Variants in USP40 observed in about 807,000 individuals in gnomAD.
USP40 encodes ubiquitin carboxyl-terminal hydrolase 40.
USP40 carries 143 observed loss-of-function variants against 166.2 expected under a neutral mutation model. The observed-to-expected ratio is 0.86, with a 90% CI of 0.75 to 0.99. USP40 has a LOEUF of 0.99. USP40 is among the 50% of genes least tolerant of loss of function. USP40 has a pLI of 0.00. For synonymous variants in USP40, 498 were observed against 524.0 expected (o/e 0.95, Z 0.68); for missense variants, 1,444 against 1,479.7 (o/e 0.98, Z 0.40).
intron 24 of USP40, among the ~76,000 whole-genome samples, chr2:233,495,897 C>T (rs1486823225): frequency 6.6e-6 from 1 of 152,118 alleles, no homozygotes; most frequent in Non-Finnish European, 1.5e-5. Flanking sequence ...TGTGTATGTG[C>T]TGATATGAGG....
intron 21 of USP40, among the ~76,000 whole-genome samples, chr2:233,509,023 T>C (rs1390276933): frequency 6.6e-6 from 1 of 152,200 alleles, no homozygotes; most frequent in Non-Finnish European, 1.5e-5. Flanking sequence ...GCTCATCTTA[T>C]TTCCTGACCT....
intron 21 of USP40, among the ~76,000 whole-genome samples, chr2:233,508,623 G>A (rs954389005): frequency 6.6e-6 from 1 of 152,008 alleles, no homozygotes; most frequent in Non-Finnish European, 1.5e-5. Flanking sequence ...CCTTGCCTAG[G>A]TTCATTAATT....
At chr2:233,539,203 T>C (rs1054481318) in intron 10 of USP40, among the ~76,000 whole-genome samples, 13 of 85,950 alleles carry the variant, frequency 1.5e-4, no homozygotes, top group African/African-American at 3.9e-4. Flanking sequence ...CAGTAATTAA[T>C]AGAAAAGGCA....
chr2:233,517,104 T>C (rs925029817), intron 18 of USP40, among the ~76,000 whole-genome samples: 1 of 152,164 alleles, frequency 6.6e-6, no homozygotes, highest in Non-Finnish European at 1.5e-5. Flanking sequence ...GGCAATGAAT[T>C]TCTGTATATG....
chr2:233,479,298 C>T (rs1355033930), intron 31 of USP40, among the ~76,000 whole-genome samples: 3 of 152,220 alleles, frequency 2.0e-5, no homozygotes, highest in Admixed American at 6.5e-5. Flanking sequence ...GGCGCGGTGG[C>T]TCACGCCTGT....
intron 21 of USP40, among the ~76,000 whole-genome samples, chr2:233,501,631 T>C (rs2066075808): frequency 6.6e-6 from 1 of 152,214 alleles, no homozygotes; most frequent in African/African-American, 2.4e-5. Flanking sequence ...ATTTTGATGG[T>C]AGAACCAAAA....
Position 233,510,179 on chromosome 2 carries a change from A to T in USP40, c.2527-44T>A, listed in dbSNP as rs1444806335. On this transcript the variant is annotated intron_variant, in intron 20 of 31. Coordinates refer to ENST00000678225, the MANE Select transcript of USP40 (RefSeq NM_001365479.2). ...TGTAAATGCAATTTAATCTGAATTTAAAAATCCAATAAATGTATTATTTAC... is the reference window on the plus strand; with the variant it reads ...TGTAAATGCAATTTAATCTGAATTTTAAAATCCAATAAATGTATTATTTAC... The T allele has an allele frequency of 3.5e-6, 5 of 1,425,296 alleles. 1 individual carries two copies. In the African/African-American group the frequency reaches 4.3e-5, roughly 12 times the overall value. 88.3% of individuals were successfully genotyped at this position (1,425,296 alleles called of 1,614,324 possible). A position where few individuals can be genotyped will look rare whatever the true frequency, so the allele number is the denominator to read the frequency against.
At chr2:233,502,664 G>C (rs1237255092) in intron 21 of USP40, among the ~76,000 whole-genome samples, 1 of 151,964 alleles carries the variant, frequency 6.6e-6, no homozygotes, top group Non-Finnish European at 1.5e-5. Context: ...GTTGTGCTTG[G>C]TAGCAGCACA....
chr2:233,528,697 G>A (rs1050121922), intron 12 of USP40, among the ~76,000 whole-genome samples: 10 of 151,782 alleles, frequency 6.6e-5, no homozygotes, highest in African/African-American at 1.5e-4. Flanking sequence ...TTCTTTGCTC[G>A]TGTCATTCAC....
In USP40 at chr2:233,488,449, G is replaced by T. The variant is rs116611641; in HGVS notation, c.3132-145C>A. The T allele has an allele frequency of 6.0e-3, 4,125 of 682,602 alleles. 132 individuals are homozygous for T. In the African/African-American group the frequency reaches 0.067, roughly 11 times the overall value. The allele number at this position is 682,602 out of a possible 1,614,324, so 42.3% of individuals were successfully genotyped here. On this transcript the variant is annotated intron_variant, in intron 27 of 31. Coordinates refer to ENST00000678225, the MANE Select transcript of USP40 (RefSeq NM_001365479.2). ...GAACACCCAAACTTTTGGAAAAGGG[G>T]AAAAAATGAGAATCCTTGCTGCGGT...
intron 21 of USP40, among the ~76,000 whole-genome samples, chr2:233,507,614 A>G (rs1679037374): frequency 6.6e-6 from 1 of 151,302 alleles, no homozygotes; most frequent in Non-Finnish European, 1.5e-5. Flanking sequence ...CATATGTGGA[A>G]TCTTAAAAAA....
At chr2:233,506,740 C>CA (rs1227656570) in intron 21 of USP40, among the ~76,000 whole-genome samples, 7,232 of 53,824 alleles carry the variant, frequency 0.13, 626 homozygotes, top group African/African-American at 0.29. Context: ...ACCGAAAATA[C>CA]AAAAAAAAAA....
chr2:233,543,604 A>C (rs1372743263), intron 8 of USP40, among the ~76,000 whole-genome samples: 2 of 152,236 alleles, frequency 1.3e-5, no homozygotes, highest in Admixed American at 6.5e-5. Context: ...TGCCTTTATA[A>C]AAAAGGCCTG....
intron 30 of USP40, chr2:233,481,553 G>A: frequency 2.0e-6 from 1 of 500,698 alleles, no homozygotes; most frequent in Non-Finnish European, 3.6e-6. Flanking sequence ...TCCACTGCGA[G>A]TGGCCAAACA....
In USP40 at chr2:233,486,839, G is replaced by A. The variant is rs1224387108; in HGVS notation, c.3198-862C>T. 6.6e-6 allele frequency among the ~76,000 whole-genome samples: 1 copy of A among 152,196 alleles called. No homozygotes were observed. Among genetic ancestry groups the A allele is most frequent in the African/African-American group, 2.4e-5 (1 of 41,452 alleles). Reference sequence around the variant, plus strand: ...ATGGGGGAGGGGGCTGCTGGCCAGGGAGTGAGGCCAAGGCCTGGAGCCCAG... The same window carrying A: ...ATGGGGGAGGGGGCTGCTGGCCAGGAAGTGAGGCCAAGGCCTGGAGCCCAG... On this transcript the variant is annotated intron_variant, in intron 28 of 31. Transcript: ENST00000678225. This position sits in a 1 kb window ranked among gnomAD's most constrained non-coding sequence, Gnocchi z 4.0.
chr2:233,512,321 C>G (rs1425942659), intron 19 of USP40: 1 of 275,868 alleles, frequency 3.6e-6, no homozygotes, highest in African/African-American at 2.2e-5. Context: ...AAAAATATAA[C>G]TAGATCAAAC....
At chr2:233,538,782 C>T (rs1272695032) in intron 10 of USP40, among the ~76,000 whole-genome samples, 1 of 152,036 alleles carries the variant, frequency 6.6e-6, no homozygotes, top group Non-Finnish European at 1.5e-5. Flanking sequence ...TTTGGGAGGC[C>T]AAGGTGGGAG....
chr2:233,544,318 C>T (rs1259196014), intron 8 of USP40, among the ~76,000 whole-genome samples: 1 of 149,998 alleles, frequency 6.7e-6, no homozygotes, highest in Non-Finnish European at 1.5e-5. Context: ...GGCCACCCTC[C>T]CAGCATGAAA....
chr2:233,524,635 C>A, intron 14 of USP40, 73 bp from the exon 15 acceptor site: 5 of 1,210,284 alleles, frequency 4.1e-6, no homozygotes, highest in East Asian at 2.8e-5. Context: ...AGAGCTGAGA[C>A]AAATATTTGT....
Sources: allele counts gnomAD v4.1 joint callset (sites outside exome capture counted in the v4.1 genomes callset), GRCh38; gene constraint gnomAD v4.1.1; non-coding constraint Gnocchi (gnomAD v3.1); transcripts MANE v1.5; gene names NCBI Gene and HGNC (gene_info 2026-07-23, HGNC 2026-07-21).